RALGAPB: variants seen among roughly 807,000 people sequenced by gnomAD.
RALGAPB encodes ral GTPase-activating protein subunit beta.
A neutral mutation model predicts 161.1 loss-of-function variants in RALGAPB; 25 were observed. That is an observed-to-expected ratio of 0.16 (90% CI 0.11 to 0.22). The LOEUF (loss-of-function observed/expected upper bound fraction) is 0.22. RALGAPB is among the 10% of genes least tolerant of loss of function. The probability of loss-of-function intolerance (pLI) is 1.00; values close to 1 mark genes in which losing one functional copy is unlikely to be tolerated. For synonymous variants in RALGAPB, 629 were observed against 626.1 expected (o/e 1.00, Z -0.07); for missense variants, 1,391 against 1,815.2 (o/e 0.77, Z 4.25).
chr20:38,514,592 G>A (rs139233646), intron 6 of RALGAPB, among the ~76,000 whole-genome samples: 96 of 152,324 alleles, frequency 6.3e-4, no homozygotes, highest in African/African-American at 2.2e-3. Flanking sequence ...ATTGTTGGCA[G>A]ATTTCCTAGG....
intron 4 of RALGAPB, among the ~76,000 whole-genome samples, chr20:38,498,398 T>C (rs1212456687): frequency 1.2e-4 from 19 of 152,264 alleles, no homozygotes; most frequent in Admixed American, 1.2e-3. Flanking sequence ...TGGTGTACTC[T>C]GTTGACTAAC....
chr20:38,558,350 C>A lies in RALGAPB; in HGVS notation c.3428C>A (p.Pro1143His). Residue 1143 changes from proline to histidine, a missense_variant, in exon 23 of 30, where the codon CCT (proline) becomes CAT (histidine). By Grantham distance (77) the Pro-to-His change is moderately conservative. This residue lies in a region of RALGAPB where 436 missense variants were observed against 527.0 expected (regional missense o/e 0.83). Coordinates refer to ENST00000262879, the MANE Select transcript of RALGAPB (RefSeq NM_020336.4). ...PHLIALDSTI[P>H]GFFDDIGYLD... is the part of the protein sequence containing the mutation. The stretch of plus-strand genomic sequence containing the variant: ...CTTATTGCACTTGATTCCACGATAC[C>A]TGGATTTTTTGATGACATTGGGTAT... 2 of 1,606,300 alleles carry A rather than the reference C, an allele frequency of 1.2e-6. No homozygotes were observed. Among genetic ancestry groups the A allele is most frequent in the Middle Eastern group, 1.7e-4 (1 of 6,032 alleles).
At chr20:38,505,025 TC>T (rs1407647204) in intron 5 of RALGAPB, among the ~76,000 whole-genome samples, 1 of 152,176 alleles carries the variant, frequency 6.6e-6, no homozygotes, top group African/African-American at 2.4e-5. Flanking sequence ...TTGGGAGATT[TC>T]TCAAAGAACT....
intron 23 of RALGAPB, among the ~76,000 whole-genome samples, chr20:38,559,890 G>C (rs943940346): frequency 6.6e-6 from 1 of 152,190 alleles, no homozygotes; most frequent in Non-Finnish European, 1.5e-5. Context: ...CTGTAACTAG[G>C]AAAGAGCCGA....
chr20:38,519,086 A>G (rs890425194), intron 9 of RALGAPB, among the ~76,000 whole-genome samples: 15 of 152,244 alleles, frequency 9.9e-5, no homozygotes, highest in African/African-American at 3.6e-4. Flanking sequence ...AGTTGTGAAT[A>G]TAAAGATTTT....
Position 38,517,547 on chromosome 20 carries a change from G to T in RALGAPB, c.1093G>T (p.Val365Leu). Residue 365 changes from valine (V) to leucine (L), a missense_variant, in exon 8 of 30, where the codon GTG (valine) becomes TTG (leucine). By Grantham distance (32) the Val-to-Leu change is conservative. This residue lies in a region of RALGAPB where 946 missense variants were observed against 1,257.2 expected (regional missense o/e 0.75). Transcript: ENST00000262879. ...ATCAGACAGTGCTCCCCCAACACCCGTGAATAGATTAAGTATGCCTCAAAG... is the reference window on the plus strand; with the variant it reads ...ATCAGACAGTGCTCCCCCAACACCCTTGAATAGATTAAGTATGCCTCAAAG... Reference protein sequence around the residue: ...PRSDSAPPTPVNRLSMPQSAA... With the variant: ...PRSDSAPPTPLNRLSMPQSAA... 1 of 1,612,230 alleles carries T rather than the reference G, an allele frequency of 6.2e-7. No homozygotes were observed. Among genetic ancestry groups the T allele is most frequent in the Non-Finnish European group, 8.5e-7 (1 of 1,179,568 alleles).
intron 6 of RALGAPB, among the ~76,000 whole-genome samples, chr20:38,513,022 A>G (rs1054158759): frequency 6.6e-6 from 1 of 152,100 alleles, no homozygotes; most frequent in African/African-American, 2.4e-5. Context: ...GGCCTCTCAA[A>G]GTGCTAGGAT....
chr20:38,518,329 A>G (rs2086192923), intron 9 of RALGAPB, among the ~76,000 whole-genome samples: 1 of 152,234 alleles, frequency 6.6e-6, no homozygotes, highest in African/African-American at 2.4e-5. Context: ...TAAAATTTAT[A>G]TAAAGAATTA....
At chr20:38,538,795 A>G (rs1408174010) in intron 16 of RALGAPB, among the ~76,000 whole-genome samples, 5 of 152,200 alleles carry the variant, frequency 3.3e-5, no homozygotes, top group Non-Finnish European at 5.9e-5. Flanking sequence ...TGGAGGAACT[A>G]TTGACGAGAA....
intron 23 of RALGAPB, among the ~76,000 whole-genome samples, chr20:38,561,443 A>G (rs1046804892): frequency 6.6e-6 from 1 of 152,238 alleles, no homozygotes; most frequent in Non-Finnish European, 1.5e-5. Context: ...AGGCCTCTGT[A>G]TGATCTTGGT....
intron 23 of RALGAPB, among the ~76,000 whole-genome samples, chr20:38,562,240 G>A (rs951673178): frequency 1.3e-5 from 2 of 152,202 alleles, no homozygotes; most frequent in Non-Finnish European, 2.9e-5. Context: ...GTTTTGCCAG[G>A]AAGAGAGCTC....
intron 1 of RALGAPB, among the ~76,000 whole-genome samples, chr20:38,478,499 C>T (rs1388509346): frequency 6.6e-6 from 1 of 152,208 alleles, no homozygotes; most frequent in Admixed American, 6.5e-5. Flanking sequence ...CAGCTCACTG[C>T]AACCTTCGCC....
intron 22 of RALGAPB, 117 bp downstream of exon 22, chr20:38,554,193 A>G (rs1041992950): frequency 1.1e-6 from 1 of 940,890 alleles, no homozygotes; most frequent in Non-Finnish European, 1.6e-6. Flanking sequence ...ACTGGTTAAA[A>G]TTTTAGCCTG....
intron 23 of RALGAPB, among the ~76,000 whole-genome samples, chr20:38,562,136 G>A (rs1249381519): frequency 3.3e-5 from 5 of 152,144 alleles, no homozygotes; most frequent in Admixed American, 3.3e-4. Flanking sequence ...TTAAATAATT[G>A]CATACCTATG....
chr20:38,532,635 A>G, intron 14 of RALGAPB, 95 bp from the exon 15 acceptor site: 5 of 1,467,616 alleles, frequency 3.4e-6, no homozygotes, highest in Non-Finnish European at 4.7e-6. Flanking sequence ...CAGTTGGCAC[A>G]TTCTGCTTTA....
At chr20:38,512,715 T>G (rs1219530886) in intron 6 of RALGAPB, among the ~76,000 whole-genome samples, 2 of 152,228 alleles carry the variant, frequency 1.3e-5, no homozygotes, top group Non-Finnish European at 2.9e-5. Context: ...TAGATGTTCT[T>G]TTTTATGCTC....
intron 18 of RALGAPB, among the ~76,000 whole-genome samples, chr20:38,542,906 T>C (rs1436788515): frequency 6.6e-6 from 1 of 152,098 alleles, no homozygotes; most frequent in Non-Finnish European, 1.5e-5. Flanking sequence ...GATGCATGTC[T>C]TAAAGAGTAA....
intron 23 of RALGAPB, among the ~76,000 whole-genome samples, chr20:38,558,899 C>T (rs1313419751): frequency 2.6e-5 from 4 of 152,244 alleles, no homozygotes; most frequent in African/African-American, 7.2e-5. Flanking sequence ...CCTTTCTAGG[C>T]ATGATAATTT....
intron 26 of RALGAPB, chr20:38,569,337 A>G (rs536509255): frequency 6.5e-6 from 1 of 154,242 alleles, no homozygotes; most frequent in South Asian, 2.0e-4. Flanking sequence ...GAAACTTAAG[A>G]GTTGATTAGG....
Sources: allele counts gnomAD v4.1 joint callset (sites outside exome capture counted in the v4.1 genomes callset), GRCh38; gene constraint gnomAD v4.1.1; regional missense constraint gnomAD v4.1.1; transcripts MANE v1.5; gene names NCBI Gene and HGNC (gene_info 2026-07-23, HGNC 2026-07-21).